CELF4: variants seen among roughly 807,000 people sequenced by gnomAD.
The protein encoded by CELF4 is CUGBP Elav-like family member 4, also known as CUG-BP- and ETR-3-like factor 4.
In CELF4, 18 loss-of-function variants were observed where a neutral mutation model predicts 59.9. The ratio of observed to expected loss-of-function variants is 0.30; its 90% CI spans 0.21 to 0.45. The LOEUF is 0.45. Among genes scored for constraint, CELF4 ranks in the 20% least tolerant of loss-of-function variants. The probability of loss-of-function intolerance (pLI) is 1.00; values close to 1 mark genes in which losing one functional copy is unlikely to be tolerated. For synonymous variants in CELF4, 261 were observed against 267.1 expected (o/e 0.98, Z 0.22); for missense variants, 456 against 689.0 (o/e 0.66, Z 3.79).
intron 2 of CELF4, among the ~76,000 whole-genome samples, chr18:37,476,871 C>T (rs975388507): frequency 1.3e-5 from 2 of 152,220 alleles, no homozygotes; most frequent in African/African-American, 4.8e-5. Flanking sequence ...CCACACATGC[C>T]CACATTCACA....
chr18:37,514,219 C>T (rs2099948005), intron 1 of CELF4, among the ~76,000 whole-genome samples: 1 of 152,124 alleles, frequency 6.6e-6, no homozygotes. Context: ...AGGTAATCTG[C>T]TCCACTTCTC....
At chr18:37,346,523 G>A (rs931631661) in intron 2 of CELF4, among the ~76,000 whole-genome samples, 5 of 152,290 alleles carry the variant, frequency 3.3e-5, no homozygotes, top group Non-Finnish European at 5.9e-5. Context: ...CCACCTAGTC[G>A]GGTTCTTTGT....
intron 3 of CELF4, among the ~76,000 whole-genome samples, chr18:37,297,909 G>T (rs1463904899): frequency 6.6e-6 from 1 of 152,212 alleles, no homozygotes; most frequent in African/African-American, 2.4e-5. Flanking sequence ...CGTCAAGTTA[G>T]CAGGCTGCCT....
At chr18:37,340,647 G>C (rs2097974510) in intron 2 of CELF4, among the ~76,000 whole-genome samples, 1 of 152,202 alleles carries the variant, frequency 6.6e-6, no homozygotes, top group Admixed American at 6.5e-5. Flanking sequence ...TCTACACCAG[G>C]GGCGGCCAGC....
intron 3 of CELF4, among the ~76,000 whole-genome samples, chr18:37,285,401 G>A (rs543063640): frequency 1.3e-5 from 2 of 152,362 alleles, no homozygotes; most frequent in South Asian, 2.1e-4. Flanking sequence ...CCTGAAGCCC[G>A]TCCTTGGCCC....
intron 1 of CELF4, among the ~76,000 whole-genome samples, chr18:37,503,486 A>T (rs551696793): frequency 6.6e-6 from 1 of 152,148 alleles, no homozygotes; most frequent in Non-Finnish European, 1.5e-5. Context: ...TTCCTCCCTC[A>T]GAAGAGCCCC....
intron 1 of CELF4, 52 bp downstream of exon 1, chr18:37,565,304 C>G: frequency 3.4e-6 from 5 of 1,460,010 alleles, no homozygotes; most frequent in Non-Finnish European, 4.5e-6. Flanking sequence ...CCGGTCGGCC[C>G]GCCAGCCCGC....
intron 3 of CELF4, among the ~76,000 whole-genome samples, chr18:37,276,845 G>A (rs2093378596): frequency 6.6e-6 from 1 of 152,234 alleles, no homozygotes; most frequent in African/African-American, 2.4e-5. Context: ...GTTTGTGGAT[G>A]ATTACATGAT....
At chr18:37,261,820 C>T (rs989286028) in intron 10 of CELF4, among the ~76,000 whole-genome samples, 1 of 152,234 alleles carries the variant, frequency 6.6e-6, no homozygotes, top group Non-Finnish European at 1.5e-5. Context: ...TTTTCAGGCT[C>T]AGCTCAAAGA....
intron 3 of CELF4, among the ~76,000 whole-genome samples, chr18:37,302,459 C>T (rs1296114324): frequency 6.6e-6 from 1 of 152,180 alleles, no homozygotes; most frequent in Non-Finnish European, 1.5e-5. Context: ...GCAACATGGC[C>T]CCTGGGAGCC....
Position 37,272,958 on chromosome 18 carries a change from C to A in CELF4, c.949+58G>T, listed in dbSNP as rs559301377. 1.4e-4 allele frequency: 221 copies of A among 1,530,290 alleles called. No homozygotes were observed. In the African/African-American group the frequency reaches 2.8e-3, roughly 19 times the overall value. The allele number at this position is 1,530,290 out of a possible 1,614,324, so 94.8% of individuals were successfully genotyped here. ...GCTGGTAGCTGAAATTAGGTCCCAG[C>A]CTGGGGCCAGCTGTTCTCCCACCGG... On this transcript the variant is annotated intron_variant, in intron 7 of 12. Coordinates refer to ENST00000420428, the MANE Select transcript of CELF4 (RefSeq NM_020180.4).
At chr18:37,396,780 A>C (rs1426239585) in intron 2 of CELF4, among the ~76,000 whole-genome samples, 1 of 152,158 alleles carries the variant, frequency 6.6e-6, no homozygotes, top group Admixed American at 6.5e-5. Context: ...GTGTGAACCC[A>C]TGACCTCAGT....
At chr18:37,377,618 C>A (rs1025944957) in intron 2 of CELF4, among the ~76,000 whole-genome samples, 1 of 152,188 alleles carries the variant, frequency 6.6e-6, no homozygotes, top group African/African-American at 2.4e-5. Context: ...GAAATGAATG[C>A]GCACAGATCT....
chr18:37,530,028 G>A (rs1192346258), intron 1 of CELF4, among the ~76,000 whole-genome samples: 3 of 152,158 alleles, frequency 2.0e-5, no homozygotes, highest in African/African-American at 7.2e-5. Flanking sequence ...TTACATCAGC[G>A]TTGGAGCACT....
At chr18:37,448,810 G>T (rs1188448829) in intron 2 of CELF4, among the ~76,000 whole-genome samples, 1 of 152,212 alleles carries the variant, frequency 6.6e-6, no homozygotes, top group Admixed American at 6.5e-5. Context: ...TTTGGTACTG[G>T]GACCTTGCTC....
At chr18:37,265,625 G>A (rs1425177773) in intron 9 of CELF4, among the ~76,000 whole-genome samples, 1 of 152,172 alleles carries the variant, frequency 6.6e-6, no homozygotes, top group Non-Finnish European at 1.5e-5. Flanking sequence ...ACTGGAAAGG[G>A]CCTGAGGTAG....
chr18:37,313,538 G>A (rs552164896), intron 3 of CELF4, among the ~76,000 whole-genome samples: 170 of 152,246 alleles, frequency 1.1e-3, no homozygotes, highest in African/African-American at 4.0e-3. Flanking sequence ...CTGGAAGGGA[G>A]AAACCCAGTA....
At chr18:37,360,909 T>G (rs530732982) in intron 2 of CELF4, among the ~76,000 whole-genome samples, 1 of 152,182 alleles carries the variant, frequency 6.6e-6, no homozygotes, top group Non-Finnish European at 1.5e-5. Flanking sequence ...TTTATTTACA[T>G]ATGAGCCTGT....
intron 1 of CELF4, among the ~76,000 whole-genome samples, chr18:37,557,882 C>T (rs2099985271): frequency 6.6e-6 from 1 of 152,072 alleles, no homozygotes; most frequent in African/African-American, 2.4e-5. Context: ...TGTTTGAAAT[C>T]CTCGATCAGC....
Sources: gnomAD v4.1 joint callset for allele counts (sites outside exome capture counted in the v4.1 genomes callset) on GRCh38, gnomAD v4.1.1 for gene constraint, MANE v1.5 for transcripts, NCBI Gene and HGNC (gene_info 2026-07-23, HGNC 2026-07-21) for gene names.